SLC24A2: variants seen among roughly 807,000 people sequenced by gnomAD.
SLC24A2 encodes sodium/potassium/calcium exchanger 2.
A neutral mutation model predicts 62.0 loss-of-function variants in SLC24A2; 36 were observed. The observed-to-expected ratio is 0.58, with a 90% confidence interval of 0.44 to 0.77. The LOEUF (loss-of-function observed/expected upper bound fraction) is 0.77. Ranked by LOEUF, SLC24A2 falls within the 30% of genes least tolerant of loss-of-function variation. SLC24A2 has a pLI of 0.00. For missense variants in SLC24A2, 846 were observed against 817.9 expected (o/e 1.03, Z -0.42); for synonymous variants, 358 against 294.0 (o/e 1.22, Z -2.23).
At chr9:19,620,472 G>C (rs1225800411) in intron 3 of SLC24A2, among the ~76,000 whole-genome samples, 1 of 152,194 alleles carries the variant, frequency 6.6e-6, no homozygotes, top group East Asian at 1.9e-4. Flanking sequence ...CCGACTTTGA[G>C]GGGGGCTCCT....
intron 2 of SLC24A2, among the ~76,000 whole-genome samples, chr9:19,709,157 C>T (rs1362671284): frequency 6.6e-6 from 1 of 152,076 alleles, no homozygotes; most frequent in East Asian, 1.9e-4. Context: ...TGAAAAAATG[C>T]TCATCATCAC....
At chr9:19,573,938 A>G (rs1835931960) in intron 6 of SLC24A2, among the ~76,000 whole-genome samples, 1 of 152,192 alleles carries the variant, frequency 6.6e-6, no homozygotes, top group Non-Finnish European at 1.5e-5. Flanking sequence ...ATTTTCTTAC[A>G]GTAATATCGT....
chr9:20,196,694 G>T, the SLC24A2 span, among the ~76,000 whole-genome samples: 1 of 152,120 alleles, frequency 6.6e-6, no homozygotes, highest in Non-Finnish European at 1.5e-5. Context: ...ATTCTGCCAA[G>T]GAGGCCTGCA....
the SLC24A2 span, among the ~76,000 whole-genome samples, chr9:20,062,201 C>T: frequency 6.6e-6 from 1 of 152,182 alleles, no homozygotes; most frequent in African/African-American, 2.4e-5. Context: ...TGCACCTTAG[C>T]CTGCGTGACA....
chr9:19,507,884 A>G lies in SLC24A2; in HGVS notation c.*8269T>C, dbSNP rs538892881. The G allele has an allele frequency of 4.6e-5, 7 of 152,390 alleles. No homozygotes were observed. The East Asian group carries it at 1.3e-3, about 29-fold the overall frequency. The allele number at this position is 152,390 out of a possible 1,614,324, so 9.4% of individuals were successfully genotyped here. On this transcript the variant is annotated 3_prime_UTR_variant, in exon 11 of 11. Transcript: ENST00000341998. ...CATGAGACCACGTCTATCCTAAAAA[A>G]GATCCTTTACAAAAATGGCATTCTG...
chr9:19,727,518 G>T (rs540234308), intron 2 of SLC24A2, among the ~76,000 whole-genome samples: 1 of 152,202 alleles, frequency 6.6e-6, no homozygotes, highest in East Asian at 1.9e-4. Flanking sequence ...GCTCCAAGCA[G>T]GCAGGGATTT....
chr9:20,226,324 T>G, the SLC24A2 span, among the ~76,000 whole-genome samples: 1 of 152,124 alleles, frequency 6.6e-6, no homozygotes, highest in African/African-American at 2.4e-5. Context: ...TATGGGAAAT[T>G]TGCAGATCAA....
At chr9:19,653,877 G>C (rs891194789) in intron 2 of SLC24A2, among the ~76,000 whole-genome samples, 3 of 152,272 alleles carry the variant, frequency 2.0e-5, no homozygotes, top group South Asian at 2.1e-4. Flanking sequence ...AAGGTGTTTT[G>C]TGAGTGATTC....
chr9:19,985,271 A>G, the SLC24A2 span, among the ~76,000 whole-genome samples: 1 of 152,222 alleles, frequency 6.6e-6, no homozygotes, highest in Admixed American at 6.5e-5. Context: ...ACATATGTCC[A>G]TAAAAAGGCC....
chr9:19,867,527 C>G, the SLC24A2 span, among the ~76,000 whole-genome samples: 1 of 152,096 alleles, frequency 6.6e-6, no homozygotes, highest in Non-Finnish European at 1.5e-5. Flanking sequence ...CTAGTGCTGT[C>G]TCCTCTTTCA....
At chr9:19,519,168 T>A (rs765777766) in intron 10 of SLC24A2, among the ~76,000 whole-genome samples, 2 of 152,202 alleles carry the variant, frequency 1.3e-5, no homozygotes, top group African/African-American at 2.4e-5. Context: ...AATTTATTCA[T>A]AGATGCCTCT....
At chr9:19,887,332 A>G in the SLC24A2 span, among the ~76,000 whole-genome samples, 1 of 152,168 alleles carries the variant, frequency 6.6e-6, no homozygotes, top group South Asian at 2.1e-4. Flanking sequence ...TAATTTGCAG[A>G]TATTTTCTCC....
chr9:19,684,156 C>T (rs1022768826), intron 2 of SLC24A2, among the ~76,000 whole-genome samples: 1 of 151,914 alleles, frequency 6.6e-6, no homozygotes, highest in East Asian at 2.0e-4. Context: ...CCAATAAGCT[C>T]CAACTTTTTT....
the SLC24A2 span, among the ~76,000 whole-genome samples, chr9:20,305,069 T>C: frequency 6.6e-6 from 1 of 151,518 alleles, no homozygotes; most frequent in Admixed American, 6.6e-5. Flanking sequence ...TTTAAAGACA[T>C]GCATGTTAAA....
At chr9:19,855,501 C>T in the SLC24A2 span, among the ~76,000 whole-genome samples, 11 of 152,308 alleles carry the variant, frequency 7.2e-5, no homozygotes, top group Middle Eastern at 6.8e-3. Context: ...CAAATTCCCT[C>T]AGCATTTGCT....
intron 7 of SLC24A2, among the ~76,000 whole-genome samples, chr9:19,567,439 G>A (rs1229004781): frequency 6.6e-6 from 1 of 150,932 alleles, no homozygotes; most frequent in Non-Finnish European, 1.5e-5. Flanking sequence ...CCAGCTACTT[G>A]GGAGGCTGAG....
the SLC24A2 span, among the ~76,000 whole-genome samples, chr9:19,991,078 G>C: frequency 6.6e-6 from 1 of 150,834 alleles, no homozygotes; most frequent in Non-Finnish European, 1.5e-5. Flanking sequence ...ATATGAAAAG[G>C]AGTTTATTAA....
At chr9:19,555,003 T>C (rs572223584) in intron 7 of SLC24A2, among the ~76,000 whole-genome samples, 50 of 152,282 alleles carry the variant, frequency 3.3e-4, no homozygotes, top group African/African-American at 1.1e-3. Flanking sequence ...TAAGATATCT[T>C]ATTAATGCAG....
chr9:19,582,087 G>T (rs2132865002), intron 5 of SLC24A2, among the ~76,000 whole-genome samples: 1 of 152,312 alleles, frequency 6.6e-6, no homozygotes, highest in Admixed American at 6.5e-5. Context: ...AGTACCAGCT[G>T]AGTGTCCTCA....
Sources: allele counts gnomAD v4.1 joint callset (sites outside exome capture counted in the v4.1 genomes callset), GRCh38; gene constraint gnomAD v4.1.1; transcripts MANE v1.5; gene names NCBI Gene and HGNC (gene_info 2026-07-23, HGNC 2026-07-21).